SLFN12: variants seen among roughly 807,000 people sequenced by gnomAD.
SLFN12 encodes ribonuclease SLFN12.
SLFN12 carries 25 observed loss-of-function variants against 29.1 expected under a neutral mutation model. The observed-to-expected ratio is 0.86, with a 90% confidence interval of 0.63 to 1.20. SLFN12 has a LOEUF of 1.20. Among genes scored for constraint, SLFN12 ranks in the 50% most tolerant of loss-of-function variants. The pLI, the probability that SLFN12 is intolerant of heterozygous loss-of-function variation, is 0.00. For missense variants in SLFN12, 660 were observed against 666.2 expected (o/e 0.99, Z 0.10); for synonymous variants, 257 against 238.7 (o/e 1.08, Z -0.71).
chr17:35,417,174 T>A (rs1379930146), intron 3 of SLFN12, among the ~76,000 whole-genome samples: 2 of 152,058 alleles, frequency 1.3e-5, no homozygotes, highest in Non-Finnish European at 2.9e-5. Context: ...TATTAGCAGC[T>A]GAATAAAAAT....
At chr17:35,427,025 G>A (rs1912056534) in intron 1 of SLFN12, among the ~76,000 whole-genome samples, 1 of 152,096 alleles carries the variant, frequency 6.6e-6, no homozygotes, top group South Asian at 2.1e-4. Context: ...CTCCTCACCT[G>A]AGATCTGAGT....
chr17:35,432,916 G>C (rs755961660), upstream of SLFN12: 1 of 152,144 alleles, frequency 6.6e-6, no homozygotes, highest in Non-Finnish European at 1.5e-5. Context: ...AGCTCGCGGT[G>C]CTCCCTAGAA....
At chr17:35,418,463 T>C (rs1911440658) in intron 3 of SLFN12, among the ~76,000 whole-genome samples, 1 of 152,058 alleles carries the variant, frequency 6.6e-6, no homozygotes, top group Non-Finnish European at 1.5e-5. Context: ...TTATAGAAAA[T>C]ATATTTCCTC....
chr17:35,433,131 A>G (rs1912411989), upstream of SLFN12: 1 of 152,212 alleles, frequency 6.6e-6, no homozygotes, highest in South Asian at 2.1e-4. Context: ...GGCCCAGGCT[A>G]CAGTCCGCGG....
At chr17:35,432,911 G>A (rs1912402143), upstream of SLFN12, 1 of 152,090 alleles carries the variant, frequency 6.6e-6, no homozygotes, top group East Asian at 1.9e-4. Flanking sequence ...TTACCAGCTC[G>A]CGGTGCTCCC....
Position 35,411,316 on chromosome 17 carries a change from C to G in SLFN12, c.*22G>C. 1 of 1,400,824 alleles carries G rather than the reference C, an allele frequency of 7.1e-7. No homozygotes were observed. The highest frequency in any genetic ancestry group is 2.3e-5 in the East Asian group (1 of 43,452). 86.8% of individuals were successfully genotyped at this position (1,400,824 alleles called of 1,614,324 possible). On this transcript the variant is annotated 3_prime_UTR_variant, in exon 4 of 4. Coordinates refer to ENST00000304905, the MANE Select transcript of SLFN12 (RefSeq NM_018042.5). ...ATCAAATATATAATGAAAAATATCTCAGTAGCCCAGTCCATTTTCCATCAG... is the reference window on the plus strand; with the variant it reads ...ATCAAATATATAATGAAAAATATCTGAGTAGCCCAGTCCATTTTCCATCAG...
intron 1 of SLFN12, among the ~76,000 whole-genome samples, chr17:35,426,509 A>G (rs997655): frequency 0.14 from 21,874 of 152,080 alleles, 2,311 homozygotes; most frequent in African/African-American, 0.28. Flanking sequence ...CATTTTCTGC[A>G]TGTGGATATC....
At chr17:35,415,062 A>G (rs1234639267) in intron 3 of SLFN12, among the ~76,000 whole-genome samples, 9 of 152,078 alleles carry the variant, frequency 5.9e-5, no homozygotes, top group Non-Finnish European at 8.8e-5. Flanking sequence ...CAAAAGCAAG[A>G]CTAAGCAAAA....
chr17:35,417,771 C>A (rs1047119253), intron 3 of SLFN12, among the ~76,000 whole-genome samples: 1 of 151,936 alleles, frequency 6.6e-6, no homozygotes, highest in Non-Finnish European at 1.5e-5. Flanking sequence ...GGAAACCTAA[C>A]AATGTGGCCT....
intron 3 of SLFN12, among the ~76,000 whole-genome samples, chr17:35,413,094 G>A (rs1285753646): frequency 6.6e-6 from 1 of 150,544 alleles, no homozygotes; most frequent in Admixed American, 6.6e-5. Context: ...AAAAACAGAA[G>A]ATAAGAGATA....
intron 1 of SLFN12, among the ~76,000 whole-genome samples, chr17:35,424,896 T>A (rs1911908268): frequency 6.6e-6 from 1 of 152,176 alleles, no homozygotes; most frequent in African/African-American, 2.4e-5. Context: ...TTGAAACTTG[T>A]ATATATTGTG....
intron 1 of SLFN12, among the ~76,000 whole-genome samples, chr17:35,424,398 CTT>C (rs1247439805): frequency 1.3e-5 from 2 of 149,614 alleles, no homozygotes; most frequent in African/African-American, 2.5e-5. Context: ...AGAAGTATGA[CTT>C]AAGTTTAACT....
chr17:35,418,221 G>A (rs1474957170), intron 3 of SLFN12, among the ~76,000 whole-genome samples: 1 of 152,090 alleles, frequency 6.6e-6, no homozygotes, highest in Non-Finnish European at 1.5e-5. Flanking sequence ...CAGTGGCAGG[G>A]ACAGACAATT....
intron 3 of SLFN12, among the ~76,000 whole-genome samples, chr17:35,413,436 A>G (rs71381439): frequency 0.03 from 4,614 of 152,204 alleles, 210 homozygotes; most frequent in African/African-American, 0.095. Flanking sequence ...CTAGCAAACC[A>G]AATTCAACAG....
At chr17:35,414,496 G>A (rs1310154087) in intron 3 of SLFN12, among the ~76,000 whole-genome samples, 1 of 151,978 alleles carries the variant, frequency 6.6e-6, no homozygotes, top group East Asian at 1.9e-4. Context: ...TGTGTTCATG[G>A]ATTGAAAAAA....
At chr17:35,425,329 A>G (rs1253321662) in intron 1 of SLFN12, among the ~76,000 whole-genome samples, 1 of 152,068 alleles carries the variant, frequency 6.6e-6, no homozygotes, top group East Asian at 1.9e-4. Flanking sequence ...AGAATACAAC[A>G]TATTGTTAAC....
chr17:35,433,063 T>C (rs3106577), upstream of SLFN12: 145,646 of 152,292 alleles, frequency 0.96, 69,983 homozygotes, highest in Middle Eastern at 1. Context: ...TGTGTATTTT[T>C]TAAGACAAAA....
chr17:35,413,749 CAAAAAAAAAAAAAAA>C (rs1911167921), intron 3 of SLFN12, among the ~76,000 whole-genome samples: 1 of 78,420 alleles, frequency 1.3e-5, no homozygotes, highest in African/African-American at 3.7e-5. Context: ...AACCATGTCT[CAAAAAAAAAAAAAAA>C]GAAAAAAAAA....
intron 1 of SLFN12, among the ~76,000 whole-genome samples, chr17:35,426,881 T>C (rs537346470): frequency 1.3e-5 from 2 of 152,226 alleles, no homozygotes; most frequent in African/African-American, 4.8e-5. Context: ...TGTCTTAATT[T>C]CCCAAAGAAT....
Sources: allele counts gnomAD v4.1 joint callset (sites outside exome capture counted in the v4.1 genomes callset), GRCh38; gene constraint gnomAD v4.1.1; transcripts MANE v1.5; gene names NCBI Gene and HGNC (gene_info 2026-07-23, HGNC 2026-07-21).